The following GPATCH8 variants were observed in gnomAD, a reference collection of about 807,000 sequenced individuals.
The protein encoded by GPATCH8 is G patch domain-containing protein 8.
GPATCH8 carries 18 observed loss-of-function variants against 118.3 expected under a neutral mutation model. The ratio of observed to expected loss-of-function variants is 0.15; its 90% CI spans 0.11 to 0.23. GPATCH8 has a LOEUF of 0.23. Among genes scored for constraint, GPATCH8 ranks in the 10% least tolerant of loss-of-function variants. GPATCH8 has a pLI of 1.00. For synonymous variants in GPATCH8, 659 were observed against 684.7 expected (o/e 0.96, Z 0.59); for missense variants, 1,631 against 1,873.8 (o/e 0.87, Z 2.39).
At chr17:44,406,507 G>GGGGGGT (rs1555622844) in intron 6 of GPATCH8, among the ~76,000 whole-genome samples, 1 of 51,420 alleles carries the variant, frequency 1.9e-5, no homozygotes, top group Non-Finnish European at 5.3e-5. Flanking sequence ...GGGGGGGGGG[G>GGGGGGT]GTTATTTAAA....
At chr17:44,429,779 G>A (rs927930795) in intron 5 of GPATCH8, among the ~76,000 whole-genome samples, 6 of 151,944 alleles carry the variant, frequency 3.9e-5, no homozygotes, top group African/African-American at 1.5e-4. Flanking sequence ...CACAAGAATT[G>A]CTTGAACTCA....
At chr17:44,478,798 G>C (rs1384875901) in intron 1 of GPATCH8, among the ~76,000 whole-genome samples, 1 of 152,082 alleles carries the variant, frequency 6.6e-6, no homozygotes, top group Non-Finnish European at 1.5e-5. Flanking sequence ...AGAGTGCAGT[G>C]GAACCATCAT....
chr17:44,431,705 G>A, intron 5 of GPATCH8, among the ~76,000 whole-genome samples: 1 of 151,750 alleles, frequency 6.6e-6, no homozygotes, highest in Non-Finnish European at 1.5e-5. Flanking sequence ...CTGAGGTAGG[G>A]GGATCATTTG....
In GPATCH8 at chr17:44,398,371, C is replaced by G; in HGVS notation, c.3706G>C (p.Asp1236His). 6.2e-7 allele frequency: 1 copy of G among 1,614,042 alleles called. No individual in the cohort carries two copies. Among genetic ancestry groups the G allele is most frequent in the Non-Finnish European group, 8.5e-7 (1 of 1,179,964 alleles). The part of the protein sequence containing the change: ...TPAHSDCYPG[D>H]PTISHNYLPD... ...AGGTAGTTATGGGAGATGGTTGGGTCCCCAGGGTAGCAGTCAGAATGTGCT... is the reference window on the plus strand; with the variant it reads ...AGGTAGTTATGGGAGATGGTTGGGTGCCCAGGGTAGCAGTCAGAATGTGCT... Residue 1236 changes from aspartate to histidine, a missense_variant, in exon 8 of 8, where the codon GAC becomes CAC. By Grantham distance (81) the Asp-to-His change is moderately conservative. This residue lies in a region of GPATCH8 where 922 missense variants were observed against 879.7 expected (regional missense o/e 1.05). Transcript: ENST00000591680.
intron 6 of GPATCH8, among the ~76,000 whole-genome samples, chr17:44,418,391 T>C (rs755437786): frequency 6.6e-6 from 1 of 151,830 alleles, no homozygotes; most frequent in Non-Finnish European, 1.5e-5. Context: ...GAAAAATCTG[T>C]AGTATCAAAT....
chr17:44,458,628 C>A (rs539869548), intron 3 of GPATCH8, among the ~76,000 whole-genome samples: 1 of 152,084 alleles, frequency 6.6e-6, no homozygotes, highest in Admixed American at 6.6e-5. Flanking sequence ...GTCAAGGGAT[C>A]CTCCTGCCTC....
chr17:44,407,096 A>G (rs1309483923), intron 6 of GPATCH8: 2 of 152,176 alleles, frequency 1.3e-5, no homozygotes, highest in Admixed American at 1.3e-4. Context: ...CAGACAGAGG[A>G]ATTTTCTTAC....
intron 1 of GPATCH8, among the ~76,000 whole-genome samples, chr17:44,487,627 G>C (rs763672037): frequency 3.3e-5 from 5 of 152,150 alleles, no homozygotes; most frequent in Non-Finnish European, 7.4e-5. Context: ...TTGCAGAACA[G>C]AAGTTTTAAA....
At chr17:44,483,725 T>C (rs544939006) in intron 1 of GPATCH8, among the ~76,000 whole-genome samples, 3 of 152,140 alleles carry the variant, frequency 2.0e-5, no homozygotes, top group Non-Finnish European at 4.4e-5. Flanking sequence ...CACTGCAACC[T>C]CTGCCCCCTG....
At chr17:44,406,187 T>A in intron 6 of GPATCH8, 136 bp from the exon 7 acceptor site, 1 of 703,844 alleles carries the variant, frequency 1.4e-6, no homozygotes, top group Non-Finnish European at 2.6e-6. Flanking sequence ...TATTCTCTTA[T>A]GGCAATTGAA....
At chr17:44,412,418 C>T (rs113988729) in intron 6 of GPATCH8, among the ~76,000 whole-genome samples, 5,896 of 152,004 alleles carry the variant, frequency 0.039, 155 homozygotes, top group Middle Eastern at 0.071. Flanking sequence ...ACAGAGTCTC[C>T]CTCTGTCACC....
chr17:44,414,369 C>T (rs939078893), intron 6 of GPATCH8, among the ~76,000 whole-genome samples: 2 of 151,894 alleles, frequency 1.3e-5, no homozygotes, highest in Admixed American at 1.3e-4. Flanking sequence ...AGCAGTGGCA[C>T]AATCAGAGCT....
chr17:44,468,698 A>G (rs1967022801), intron 2 of GPATCH8, among the ~76,000 whole-genome samples: 1 of 152,142 alleles, frequency 6.6e-6, no homozygotes, highest in African/African-American at 2.4e-5. Flanking sequence ...ATAATCTCAT[A>G]GAACCAAAAA....
intron 1 of GPATCH8, among the ~76,000 whole-genome samples, chr17:44,487,896 G>A (rs1968906089): frequency 6.7e-6 from 1 of 149,028 alleles, no homozygotes; most frequent in South Asian, 2.2e-4. Flanking sequence ...TTATGTTTTT[G>A]TGTTAACGTT....
chr17:44,413,507 A>G (rs1230418428), intron 6 of GPATCH8, among the ~76,000 whole-genome samples: 1 of 151,968 alleles, frequency 6.6e-6, no homozygotes, highest in South Asian at 2.1e-4. Flanking sequence ...CTTGAGACAG[A>G]GTCTCACTCT....
rs1233462632 is a variant in GPATCH8 at position 44,503,376 on chromosome 17, C to T, written c.-6G>A. 2.5e-6 allele frequency: 4 copies of T among 1,607,048 alleles called. No homozygotes were observed. The highest frequency in any genetic ancestry group is 3.4e-6 in the Non-Finnish European group (4 of 1,176,796). On this transcript the variant is annotated 5_prime_UTR_variant, in exon 1 of 8. Coordinates refer to ENST00000591680, the MANE Select transcript of GPATCH8 (RefSeq NM_001002909.4). ...CGGGAGAAGCGGTCCGCCATTTTGC[C>T]GCCTTCACTCCTCTCAGGACGACGC...
At chr17:44,417,592 C>A (rs1316036760) in intron 6 of GPATCH8, among the ~76,000 whole-genome samples, 5 of 152,158 alleles carry the variant, frequency 3.3e-5, no homozygotes, top group Non-Finnish European at 7.4e-5. Context: ...ACTGAAATCG[C>A]AAGGAAGTTG....
At chr17:44,440,903 T>C (rs1437017402) in intron 3 of GPATCH8, among the ~76,000 whole-genome samples, 2 of 152,198 alleles carry the variant, frequency 1.3e-5, no homozygotes, top group Admixed American at 1.3e-4. Context: ...CAGGCTGGAG[T>C]GCAGTGACGC....
chr17:44,408,191 CTTTT>C (rs1239486392), intron 6 of GPATCH8, among the ~76,000 whole-genome samples: 1 of 147,120 alleles, frequency 6.8e-6, no homozygotes, highest in Admixed American at 6.8e-5. Flanking sequence ...GCCATTTTCT[CTTTT>C]TTTTTTGAGA....
Sources: gnomAD v4.1 joint callset for allele counts (sites outside exome capture counted in the v4.1 genomes callset) on GRCh38, gnomAD v4.1.1 for gene constraint, gnomAD v4.1.1 regional missense constraint, MANE v1.5 for transcripts, NCBI Gene and HGNC (gene_info 2026-07-23, HGNC 2026-07-21) for gene names.